PLEKHA2: variants seen among roughly 807,000 people sequenced by gnomAD.
PLEKHA2 encodes pleckstrin homology domain-containing family A member 2.
In PLEKHA2, 28 loss-of-function variants were observed where a neutral mutation model predicts 53.2. The observed-to-expected ratio is 0.53, with a 90% CI of 0.39 to 0.72. The LOEUF (loss-of-function observed/expected upper bound fraction) is 0.72. PLEKHA2 is among the 30% of genes least tolerant of loss of function. PLEKHA2 has a pLI of 0.00. For synonymous variants in PLEKHA2, 193 were observed against 196.4 expected, an observed-to-expected ratio of 0.98 and a Z score of 0.14; for missense variants, 426 against 537.9, an observed-to-expected ratio of 0.79 and a Z score of 2.06.
intron 6 of PLEKHA2, among the ~76,000 whole-genome samples, chr8:38,951,931 G>A (rs1020240278): frequency 1.3e-5 from 2 of 151,964 alleles, no homozygotes; most frequent in African/African-American, 2.4e-5. Flanking sequence ...TAATTTTTTT[G>A]TAGAGACTGG....
At chr8:38,943,273 G>A (rs1834645270) in intron 3 of PLEKHA2, among the ~76,000 whole-genome samples, 1 of 152,006 alleles carries the variant, frequency 6.6e-6, no homozygotes, top group African/African-American at 2.4e-5. Context: ...TTGAGCCCAG[G>A]AGTTTGAGAC....
At chr8:38,951,969 A>G (rs540512809) in intron 6 of PLEKHA2, among the ~76,000 whole-genome samples, 197 bp from the exon 7 acceptor site, 1 of 152,320 alleles carries the variant, frequency 6.6e-6, no homozygotes, top group South Asian at 2.1e-4. Context: ...AGTCTGGTCT[A>G]GAACTCCTGG....
In PLEKHA2 at chr8:38,970,289, C is replaced by G; in HGVS notation, c.*506C>G. On this transcript the variant is annotated 3_prime_UTR_variant, in exon 12 of 12. Coordinates refer to ENST00000617275, the MANE Select transcript of PLEKHA2 (RefSeq NM_021623.2). ...TTGTACCCTTGCAAACTTGCTTTCT[C>G]TTTCTTCTTGCTGTTGCCCTTTGAA... is the stretch of plus-strand genomic sequence containing the variant. 2.9e-6 allele frequency: 1 copy of G among 347,162 alleles called. No homozygotes were observed. The highest frequency in any genetic ancestry group is 4.6e-5 in the East Asian group (1 of 21,772). The allele number at this position is 347,162 out of a possible 1,614,324, so 21.5% of individuals were successfully genotyped here.
chr8:38,958,008 G>T (rs1279757972), intron 10 of PLEKHA2, among the ~76,000 whole-genome samples: 1 of 152,194 alleles, frequency 6.6e-6, no homozygotes, highest in Non-Finnish European at 1.5e-5. Flanking sequence ...CAGCCCCGTG[G>T]TGATGCTGGA....
intron 10 of PLEKHA2, among the ~76,000 whole-genome samples, chr8:38,965,389 A>T (rs781350320): frequency 5.3e-5 from 8 of 152,144 alleles, no homozygotes; most frequent in Non-Finnish European, 1.0e-4. Flanking sequence ...TGGAAGGAGC[A>T]TGGAGATAGC....
intron 10 of PLEKHA2, among the ~76,000 whole-genome samples, chr8:38,967,377 G>C (rs1482473738): frequency 1.3e-5 from 2 of 152,170 alleles, no homozygotes; most frequent in Non-Finnish European, 2.9e-5. Context: ...CCACTATTGG[G>C]ATTGCTGACC....
At position 38,917,896 on chromosome 8, in the gene PLEKHA2, C is replaced by A. The variant is rs773156763; in HGVS notation, c.-23-11C>A. The A allele has an allele frequency of 1.1e-5, 17 of 1,608,976 alleles. No individual in the cohort carries two copies. Among genetic ancestry groups the A allele is most frequent in the Non-Finnish European group, 1.4e-5 (17 of 1,176,258 alleles). ...TCTTCCTTCTCATCAGCACCTCCCT[C>A]CTGCGCGCAGGGTGATGTGAGCAGA... On this transcript the variant is annotated splice_polypyrimidine_tract_variant and intron_variant, in intron 1 of 11. Transcript: ENST00000617275.
At chr8:38,936,312 C>T (rs183423921) in intron 3 of PLEKHA2, among the ~76,000 whole-genome samples, 89 of 152,266 alleles carry the variant, frequency 5.8e-4, no homozygotes, top group African/African-American at 1.8e-3. Context: ...CCAGCTCCTG[C>T]GCAGGAGGTG....
intron 1 of PLEKHA2, among the ~76,000 whole-genome samples, chr8:38,904,900 C>T (rs1833846737): frequency 6.6e-6 from 1 of 152,178 alleles, no homozygotes; most frequent in South Asian, 2.1e-4. Context: ...CAATATTTAC[C>T]CAATGTCTGG....
chr8:38,930,984 T>C (rs1834382584), intron 2 of PLEKHA2, among the ~76,000 whole-genome samples: 1 of 152,136 alleles, frequency 6.6e-6, no homozygotes, highest in Admixed American at 6.5e-5. Flanking sequence ...TTTAGAAATC[T>C]CCCGAGGTGG....
At chr8:38,947,885 G>A (rs1344720747) in intron 5 of PLEKHA2, among the ~76,000 whole-genome samples, 3 of 151,852 alleles carry the variant, frequency 2.0e-5, no homozygotes, top group Non-Finnish European at 4.4e-5. Context: ...TCAGGAGTTC[G>A]AGACCAGCCT....
intron 10 of PLEKHA2, among the ~76,000 whole-genome samples, chr8:38,964,321 T>G (rs1397883966): frequency 6.6e-6 from 1 of 152,142 alleles, no homozygotes; most frequent in African/African-American, 2.4e-5. Context: ...GACCACACAG[T>G]AGGAGGTGAG....
At chr8:38,916,804 G>A (rs1182624952) in intron 1 of PLEKHA2, among the ~76,000 whole-genome samples, 1 of 152,180 alleles carries the variant, frequency 6.6e-6, no homozygotes, top group African/African-American at 2.4e-5. Flanking sequence ...GGGATTGCTG[G>A]ATCATATGGT....
intron 2 of PLEKHA2, among the ~76,000 whole-genome samples, chr8:38,935,650 C>T (rs1397278560): frequency 6.6e-6 from 1 of 152,080 alleles, no homozygotes; most frequent in Non-Finnish European, 1.5e-5. Flanking sequence ...AACTCCTGGC[C>T]TCAAGTGATC....
At chr8:38,953,263 C>T (rs1308690542) in intron 8 of PLEKHA2, 34 bp from the exon 9 acceptor site, 17 of 1,536,614 alleles carry the variant, frequency 1.1e-5, no homozygotes, top group Non-Finnish European at 1.4e-5. Flanking sequence ...ACACAGACAG[C>T]CTCACTTACC....
At chr8:38,920,286 G>A (rs1327023046) in intron 2 of PLEKHA2, among the ~76,000 whole-genome samples, 5 of 152,066 alleles carry the variant, frequency 3.3e-5, no homozygotes, top group South Asian at 2.1e-4. Context: ...GAGTAGTTGG[G>A]ACTACAGGCA....
chr8:38,907,187 AAC>A (rs1157875046), intron 1 of PLEKHA2, among the ~76,000 whole-genome samples: 1 of 152,240 alleles, frequency 6.6e-6, no homozygotes, highest in Non-Finnish European at 1.5e-5. Flanking sequence ...TTGTCCTGCT[AAC>A]ACAGAATGTG....
intron 9 of PLEKHA2, among the ~76,000 whole-genome samples, chr8:38,955,950 A>G (rs767164810): frequency 2.0e-5 from 3 of 152,172 alleles, no homozygotes; most frequent in South Asian, 4.1e-4. Context: ...AGCTGGGACT[A>G]TAGATGTGTG....
chr8:38,962,106 C>T (rs1170624068), intron 10 of PLEKHA2, among the ~76,000 whole-genome samples: 2 of 152,168 alleles, frequency 1.3e-5, no homozygotes, highest in Non-Finnish European at 2.9e-5. Flanking sequence ...ATTATTTGTG[C>T]AGGATCATAA....
Sources: allele counts gnomAD v4.1 joint callset (sites outside exome capture counted in the v4.1 genomes callset), GRCh38; gene constraint gnomAD v4.1.1; transcripts MANE v1.5; gene names NCBI Gene and HGNC (gene_info 2026-07-23, HGNC 2026-07-21).